The following ELAVL2 variants were observed in gnomAD, a reference collection of about 807,000 sequenced individuals.
The protein encoded by ELAVL2 is ELAV-like protein 2.
A neutral mutation model predicts 34.6 loss-of-function variants in ELAVL2; 4 were observed. The observed-to-expected ratio is 0.12, with a 90% CI of 0.06 to 0.26. The LOEUF is 0.26. Ranked by LOEUF, ELAVL2 falls within the 10% of genes least tolerant of loss-of-function variation. The pLI is 1.00. For missense variants in ELAVL2, 432 were observed against 442.8 expected (o/e 0.98, Z 0.22); for synonymous variants, 193 against 154.8 (o/e 1.25, Z -1.83).
chr9:23,784,995 T>A (rs1022263818), intron 1 of ELAVL2, among the ~76,000 whole-genome samples: 1 of 152,236 alleles, frequency 6.6e-6, no homozygotes, highest in African/African-American at 2.4e-5. Context: ...TCTTGTGAAG[T>A]TACGTGCATC....
chr9:23,764,115 C>T (rs985740354), intron 1 of ELAVL2, among the ~76,000 whole-genome samples: 1 of 152,080 alleles, frequency 6.6e-6, no homozygotes, highest in African/African-American at 2.4e-5. Context: ...AGCAAAAATT[C>T]TTCTGGGGTT....
At position 23,701,524 on chromosome 9, in the gene ELAVL2, T is replaced by G. The variant is rs778853662; in HGVS notation, c.568A>C (p.Lys190Gln). 2 of 1,614,176 alleles carry G rather than the reference T, an allele frequency of 1.2e-6. No homozygotes were observed. Among genetic ancestry groups the G allele is most frequent in the South Asian group, 2.2e-5 (2 of 91,090 alleles). The change falls in exon 5 of 7, where the codon AAA becomes CAA. Residue 190 changes from lysine to glutamine, a missense_variant. By Grantham distance (53) the Lys-to-Gln change is moderately conservative. Coordinates refer to ENST00000397312, the MANE Select transcript of ELAVL2 (RefSeq NM_004432.5). Reference protein sequence around the residue: ...EEAIKGLNGQKPPGATEPITV... With the variant: ...EEAIKGLNGQQPPGATEPITV... ...ATTGGCTCCGTGGCACCGGGAGGTT[T>G]CTGGCCATTTAGGCCTTTGATAGCT... is the stretch of plus-strand genomic sequence containing the variant.
At chr9:23,708,446 C>T (rs1313172476) in intron 3 of ELAVL2, among the ~76,000 whole-genome samples, 1 of 152,156 alleles carries the variant, frequency 6.6e-6, no homozygotes, top group Non-Finnish European at 1.5e-5. Context: ...TGGGTTCAAA[C>T]TCTGATCTTT....
At chr9:23,829,429 A>G (rs2065429231), upstream of ELAVL2, among the ~76,000 whole-genome samples, 1 of 152,224 alleles carries the variant, frequency 6.6e-6, no homozygotes, top group Non-Finnish European at 1.5e-5. Context: ...ACTGTAAACT[A>G]CTTGTAACGT....
chr9:23,826,500 A>G (rs939805845), upstream of ELAVL2, among the ~76,000 whole-genome samples: 1 of 152,192 alleles, frequency 6.6e-6, no homozygotes, highest in Non-Finnish European at 1.5e-5. Flanking sequence ...CGAGAGCTCA[A>G]TGGAGTCCCG....
chr9:23,705,200 G>A (rs1200320143), intron 3 of ELAVL2, 129 bp from the exon 4 acceptor site: 14 of 1,000,006 alleles, frequency 1.4e-5, no homozygotes, highest in Non-Finnish European at 1.7e-5. Context: ...CAAGTCAGGT[G>A]CTAACTGCTT....
At chr9:23,803,102 C>T (rs1299528443) in intron 1 of ELAVL2, among the ~76,000 whole-genome samples, 1 of 152,096 alleles carries the variant, frequency 6.6e-6, no homozygotes, top group Non-Finnish European at 1.5e-5. Context: ...TATAGATAAA[C>T]CTTAGAACAG....
Position 23,692,167 on chromosome 9 carries a change from A to G in ELAVL2, c.*390T>C, listed in dbSNP as rs184512831. The G allele has an allele frequency of 6.7e-3, 1,099 of 163,348 alleles. 19 individuals carry two copies. The highest frequency in any genetic ancestry group is 0.025 in the African/African-American group (1,041 of 41,768). 10.1% of individuals were successfully genotyped at this position (163,348 alleles called of 1,614,324 possible). The stretch of plus-strand genomic sequence containing the variant: ...ATCAGAAAAAGGAAAAAAAGGGGGG[A>G]AAAAAAAGACACAACCAACTGAAGA... On this transcript the variant is annotated 3_prime_UTR_variant, in exon 7 of 7. Coordinates refer to ENST00000397312, the MANE Select transcript of ELAVL2 (RefSeq NM_004432.5).
chr9:23,709,720 T>A (rs1369725398), intron 3 of ELAVL2, among the ~76,000 whole-genome samples: 1 of 152,216 alleles, frequency 6.6e-6, no homozygotes, highest in African/African-American at 2.4e-5. Flanking sequence ...GCTGGATTAA[T>A]ATATGAGTTT....
At chr9:23,766,269 C>CA (rs1052052660) in intron 1 of ELAVL2, among the ~76,000 whole-genome samples, 2 of 152,184 alleles carry the variant, frequency 1.3e-5, no homozygotes, top group Admixed American at 6.5e-5. Context: ...CCCACTGTAA[C>CA]AAGAGATTTT....
intron 4 of ELAVL2, among the ~76,000 whole-genome samples, chr9:23,702,521 C>G (rs758857068): frequency 4.1e-4 from 62 of 151,264 alleles, no homozygotes; most frequent in Non-Finnish European, 6.9e-4. Context: ...ATGAGATAAG[C>G]AGTGGCAGGG....
chr9:23,781,210 T>C (rs893740857), intron 1 of ELAVL2, among the ~76,000 whole-genome samples: 3 of 152,234 alleles, frequency 2.0e-5, no homozygotes, highest in Non-Finnish European at 2.9e-5. Context: ...AGTAGGGTAT[T>C]GTTCTCAAGG....
At chr9:23,717,948 A>G (rs1430084102) in intron 3 of ELAVL2, among the ~76,000 whole-genome samples, 1 of 152,186 alleles carries the variant, frequency 6.6e-6, no homozygotes, top group Non-Finnish European at 1.5e-5. Flanking sequence ...ACAACTTGCA[A>G]TTAAATACTT....
chr9:23,846,290 T>A, the ELAVL2 span, among the ~76,000 whole-genome samples: 1 of 151,860 alleles, frequency 6.6e-6, no homozygotes, highest in African/African-American at 2.4e-5. Context: ...TCCCCCTTAA[T>A]CACTGTGATT....
intron 3 of ELAVL2, among the ~76,000 whole-genome samples, chr9:23,709,172 T>G (rs2040239906): frequency 6.6e-6 from 1 of 152,198 alleles, no homozygotes; most frequent in Non-Finnish European, 1.5e-5. Context: ...CCCCTATCCC[T>G]TTATTTACTG....
In ELAVL2 at chr9:23,704,941, C is replaced by T. The variant is rs1341756308; in HGVS notation, c.464G>A (p.Arg155His). The T allele has an allele frequency of 5.0e-6, 8 of 1,613,928 alleles. No individual in the cohort carries two copies. The highest frequency in any genetic ancestry group is 5.1e-6 in the Non-Finnish European group (6 of 1,179,984). The change falls in exon 4 of 7, where the codon CGT becomes CAT. Residue 155 changes from arginine to histidine, a missense_variant. Arg to His is a conservative substitution (Grantham distance 29). Around this residue, in one of 3 missense-constraint regions of ELAVL2, gnomAD observed 295 missense variants for 306.1 expected, o/e 0.96. Coordinates refer to ENST00000397312, the MANE Select transcript of ELAVL2 (RefSeq NM_004432.5). Reference sequence around the variant, plus strand: ...ACCAGTGACCTGGTCGACAAGAATACGAGAAGTAATAATGCGTCCATATTG... The same window carrying T: ...ACCAGTGACCTGGTCGACAAGAATATGAGAAGTAATAATGCGTCCATATTG... ...FSQYGRIITS[R>H]ILVDQVTGIS... is the part of the protein sequence containing the mutation.
chr9:23,829,830 G>C, upstream of ELAVL2: 1 of 152,086 alleles, frequency 6.6e-6, no homozygotes, highest in East Asian at 1.9e-4. Context: ...AGCTTGAGAC[G>C]GTGTTTTCTG....
intron 1 of ELAVL2, among the ~76,000 whole-genome samples, chr9:23,815,155 C>T (rs559585613): frequency 1.2e-4 from 18 of 151,996 alleles, no homozygotes; most frequent in South Asian, 4.2e-4. Context: ...AGAGAAAACG[C>T]GGACTATTTT....
chr9:23,777,379 A>AT (rs1388936280), intron 1 of ELAVL2, among the ~76,000 whole-genome samples: 1 of 152,054 alleles, frequency 6.6e-6, no homozygotes, highest in Non-Finnish European at 1.5e-5. Context: ...ATCTTAGACT[A>AT]TTTTAAAGAG....
Sources: allele counts gnomAD v4.1 joint callset (sites outside exome capture counted in the v4.1 genomes callset), GRCh38; gene constraint gnomAD v4.1.1; regional missense constraint gnomAD v4.1.1; transcripts MANE v1.5; gene names NCBI Gene and HGNC (gene_info 2026-07-23, HGNC 2026-07-21).